The following YTHDC2 variants were observed in gnomAD, a reference collection of about 807,000 sequenced individuals.
The protein encoded by YTHDC2 is 3'-5' RNA helicase YTHDC2.
In YTHDC2, 45 loss-of-function variants were observed where a neutral mutation model predicts 174.9. The ratio of observed to expected loss-of-function variants is 0.26; its 90% CI spans 0.20 to 0.33. The LOEUF (loss-of-function observed/expected upper bound fraction) is 0.33. Ranked by LOEUF, YTHDC2 falls within the 10% of genes least tolerant of loss-of-function variation. The probability of loss-of-function intolerance (pLI) is 1.00; values close to 1 mark genes in which losing one functional copy is unlikely to be tolerated. For synonymous variants in YTHDC2, 657 were observed against 574.5 expected (o/e 1.14, Z -2.05); for missense variants, 1,650 against 1,723.7 (o/e 0.96, Z 0.76).
chr5:113,542,794 T>G (rs1208198305), intron 10 of YTHDC2, among the ~76,000 whole-genome samples: 1 of 152,206 alleles, frequency 6.6e-6, no homozygotes, highest in East Asian at 1.9e-4. Flanking sequence ...ATGTGTTGTG[T>G]ATATACTCTT....
intron 23 of YTHDC2, among the ~76,000 whole-genome samples, chr5:113,578,928 T>G (rs1336033837): frequency 6.6e-6 from 1 of 152,158 alleles, no homozygotes; most frequent in African/African-American, 2.4e-5. Context: ...ACATACTGTA[T>G]GTTTTAGCCT....
chr5:113,533,281 G>T (rs1774812316), intron 5 of YTHDC2, among the ~76,000 whole-genome samples: 1 of 152,112 alleles, frequency 6.6e-6, no homozygotes, highest in African/African-American at 2.4e-5. Context: ...GGTGGCTCAT[G>T]CCTGTAGTCC....
In YTHDC2 at chr5:113,579,661, T is replaced by C; in HGVS notation, c.3320T>C (p.Leu1107Pro). The C allele has an allele frequency of 6.2e-7, 1 of 1,610,100 alleles. No homozygotes were observed. The highest frequency in any genetic ancestry group is 8.5e-7 in the Non-Finnish European group (1 of 1,177,818). Residue 1107 changes from leucine (L) to proline (P), a missense_variant, in exon 24 of 30, where the codon CTT becomes CCT. By Grantham distance (98) the Leu-to-Pro change is moderately conservative. Coordinates refer to ENST00000161863, the MANE Select transcript of YTHDC2 (RefSeq NM_022828.5). Reference sequence around the variant, plus strand: ...ACAGCTAATTTGGCAGCCTTGAAACTTGATGAGTGGCTCCATTTCACACTG... The same window carrying C: ...ACAGCTAATTTGGCAGCCTTGAAACCTGATGAGTGGCTCCATTTCACACTG... ...KTTANLAALK[L>P]DEWLHFTLEP...
At chr5:113,589,103 A>G (rs1778845731) in intron 26 of YTHDC2, among the ~76,000 whole-genome samples, 1 of 151,868 alleles carries the variant, frequency 6.6e-6, no homozygotes, top group South Asian at 2.1e-4. Flanking sequence ...TGTGCTCATT[A>G]TACTTTTATG....
At chr5:113,536,183 C>T (rs1053869117) in intron 7 of YTHDC2, among the ~76,000 whole-genome samples, 2 of 152,162 alleles carry the variant, frequency 1.3e-5, no homozygotes, top group South Asian at 2.1e-4. Flanking sequence ...TTATTAAAAA[C>T]GGATTTTGCC....
In YTHDC2 at chr5:113,591,028, T is replaced by C; in HGVS notation, c.3826-13T>C. On this transcript the variant is annotated splice_polypyrimidine_tract_variant and intron_variant, in intron 26 of 29. Coordinates refer to ENST00000161863, the MANE Select transcript of YTHDC2 (RefSeq NM_022828.5). Reference sequence around the variant, plus strand: ...TCAGGTTACCTTTCAAGAACTTATGTTTTCTTTTATAGGGCTCAAAATCTC... The same window carrying C: ...TCAGGTTACCTTTCAAGAACTTATGCTTTCTTTTATAGGGCTCAAAATCTC... The C allele has an allele frequency of 6.2e-7, 1 of 1,609,566 alleles. No homozygotes were observed. Among genetic ancestry groups the C allele is most frequent in the Non-Finnish European group, 8.5e-7 (1 of 1,177,854 alleles).
Position 113,584,262 on chromosome 5 carries a change from T to C in YTHDC2, c.3648-40T>C, listed in dbSNP as rs1023787910. 3.2e-6 allele frequency: 5 copies of C among 1,544,396 alleles called. No homozygotes were observed. In the African/African-American group the frequency reaches 6.9e-5, roughly 21 times the overall value. On this transcript the variant is annotated intron_variant, in intron 25 of 29. Transcript: ENST00000161863. ...CATAACTGATCTTTGTATGACGAACTTATATATAACTGATCTTTGCTTCCT... is the reference window on the plus strand; with the variant it reads ...CATAACTGATCTTTGTATGACGAACCTATATATAACTGATCTTTGCTTCCT...
intron 7 of YTHDC2, among the ~76,000 whole-genome samples, chr5:113,538,403 C>T (rs2112606241): frequency 6.6e-6 from 1 of 152,178 alleles, no homozygotes; most frequent in Middle Eastern, 3.4e-3. Context: ...TTATCTTTTC[C>T]TCTTACCTCA....
intron 23 of YTHDC2, among the ~76,000 whole-genome samples, chr5:113,568,871 T>G (rs1342817005): frequency 6.6e-6 from 1 of 152,202 alleles, no homozygotes; most frequent in African/African-American, 2.4e-5. Context: ...ATGATTTATA[T>G]TCCTTTGGGT....
At chr5:113,588,683 C>T (rs528211443) in intron 26 of YTHDC2, among the ~76,000 whole-genome samples, 3 of 151,770 alleles carry the variant, frequency 2.0e-5, no homozygotes, top group East Asian at 1.9e-4. Context: ...AGTGCAGTGG[C>T]GCGATCTCGG....
At chr5:113,562,057 C>T (rs1777026187) in intron 18 of YTHDC2, among the ~76,000 whole-genome samples, 2 of 147,908 alleles carry the variant, frequency 1.4e-5, no homozygotes, top group Admixed American at 1.4e-4. Context: ...GGAAGATTAG[C>T]AGAATGCGTT....
chr5:113,560,097 T>C (rs1218895614), intron 17 of YTHDC2, among the ~76,000 whole-genome samples: 1 of 152,216 alleles, frequency 6.6e-6, no homozygotes, highest in African/African-American at 2.4e-5. Flanking sequence ...CTCATTCCTT[T>C]CATCAAACAA....
chr5:113,577,251 CTT>C (rs1484989576), intron 23 of YTHDC2, among the ~76,000 whole-genome samples: 1 of 152,092 alleles, frequency 6.6e-6, no homozygotes, highest in Non-Finnish European at 1.5e-5. Flanking sequence ...AGCTGTAACT[CTT>C]TACTGCCTTT....
intron 10 of YTHDC2, among the ~76,000 whole-genome samples, chr5:113,543,934 T>A (rs1490048234): frequency 6.6e-6 from 1 of 152,218 alleles, no homozygotes; most frequent in Non-Finnish European, 1.5e-5. Flanking sequence ...CTTACTAAAG[T>A]TGTACCATTT....
In YTHDC2 at chr5:113,594,180, ATG is replaced by A. The variant is rs140416589; in HGVS notation, c.*710_*711del. Reference sequence around the variant, plus strand: ...TCCTAATTCTGCCCCTTTTAACCTGATGTGTACCTTACTCTTTCCTCCCTCTC... The same window carrying A: ...TCCTAATTCTGCCCCTTTTAACCTGATGTACCTTACTCTTTCCTCCCTCTC... On this transcript the variant is annotated 3_prime_UTR_variant, in exon 30 of 30. Coordinates refer to ENST00000161863, the MANE Select transcript of YTHDC2 (RefSeq NM_022828.5). 0.012 allele frequency: 1,859 copies of A among 152,104 alleles called. 19 individuals carry two copies. Among genetic ancestry groups the A allele is most frequent in the Middle Eastern group, 0.024 (8 of 330 alleles). 9.4% of individuals were successfully genotyped at this position (152,104 alleles called of 1,614,324 possible).
At chr5:113,586,917 A>G (rs1449378857) in intron 26 of YTHDC2, among the ~76,000 whole-genome samples, 1 of 124,388 alleles carries the variant, frequency 8.0e-6, no homozygotes, top group African/African-American at 3.0e-5. Flanking sequence ...GTATTCATAT[A>G]TAATATATAA....
chr5:113,544,904 C>T (rs1043095243), intron 10 of YTHDC2, among the ~76,000 whole-genome samples: 1 of 152,042 alleles, frequency 6.6e-6, no homozygotes, highest in African/African-American at 2.4e-5. Context: ...ATTCAGCCAA[C>T]CCCATTGTCA....
intron 16 of YTHDC2, among the ~76,000 whole-genome samples, chr5:113,554,742 T>TA (rs35806169): frequency 0.31 from 45,441 of 144,736 alleles, 8,712 homozygotes; most frequent in African/African-American, 0.54. Flanking sequence ...ACCTTTGTTA[T>TA]AAAAAAAAAA....
chr5:113,535,615 C>A, intron 6 of YTHDC2, 27 bp from the exon 7 acceptor site: 1 of 1,563,538 alleles, frequency 6.4e-7, no homozygotes, highest in South Asian at 1.2e-5. Context: ...TTTAACTGTT[C>A]CATGGTTTTA....
Sources: gnomAD v4.1 joint callset for allele counts (sites outside exome capture counted in the v4.1 genomes callset) on GRCh38, gnomAD v4.1.1 for gene constraint, MANE v1.5 for transcripts, NCBI Gene and HGNC (gene_info 2026-07-23, HGNC 2026-07-21) for gene names.